The following TUBGCP3 variants were observed in gnomAD, a reference collection of about 807,000 sequenced individuals.
The protein encoded by TUBGCP3 is gamma-tubulin complex component 3.
A neutral mutation model predicts 123.1 loss-of-function variants in TUBGCP3; 50 were observed. That is an observed-to-expected ratio of 0.41 (90% CI 0.32 to 0.51). The LOEUF is 0.51. Ranked by LOEUF, TUBGCP3 falls within the 20% of genes least tolerant of loss-of-function variation. TUBGCP3 has a pLI of 0.36. For synonymous variants in TUBGCP3, 405 were observed against 413.9 expected (o/e 0.98, Z 0.26); for missense variants, 882 against 1,127.0 (o/e 0.78, Z 3.11).
chr13:112,527,519 G>T (rs1877233832), intron 11 of TUBGCP3, 35 bp from the exon 12 acceptor site: 2 of 1,443,236 alleles, frequency 1.4e-6, no homozygotes, highest in South Asian at 1.2e-5. Flanking sequence ...GTTCAAGAGT[G>T]ATATTTATGG....
intron 1 of TUBGCP3, among the ~76,000 whole-genome samples, chr13:112,578,696 GTTTC>G (rs943003292): frequency 2.5e-4 from 38 of 151,190 alleles, no homozygotes; most frequent in African/African-American, 9.0e-4. Context: ...CTCACCACCT[GTTTC>G]TTTGTTTGAT....
intron 14 of TUBGCP3, chr13:112,521,911 G>T: frequency 1.1e-6 from 1 of 904,750 alleles, no homozygotes; most frequent in Non-Finnish European, 1.3e-6. Context: ...AAAATGAAAA[G>T]GTCATAGTTT....
At position 112,511,258 on chromosome 13, in the gene TUBGCP3, G is replaced by A. The variant is rs1881656667; in HGVS notation, c.2086+5182C>T. 6.6e-6 allele frequency among the ~76,000 whole-genome samples: 1 copy of A among 152,176 alleles called. No homozygotes were observed. The highest frequency in any genetic ancestry group is 1.5e-5 in the Non-Finnish European group (1 of 68,032). Reference sequence around the variant, plus strand: ...GATGGGCCCCTCACAGGGCACTGCTGGCCCGCGGGCACCTGCCTTTCCTGG... The same window carrying A: ...GATGGGCCCCTCACAGGGCACTGCTAGCCCGCGGGCACCTGCCTTTCCTGG... On this transcript the variant is annotated intron_variant, in intron 17 of 21. Transcript: ENST00000261965. This position sits in a 1 kb window ranked among gnomAD's most constrained non-coding sequence, Gnocchi z 4.1.
At chr13:112,570,793 A>C (rs1356433830) in intron 1 of TUBGCP3, among the ~76,000 whole-genome samples, 3 of 152,232 alleles carry the variant, frequency 2.0e-5, no homozygotes, top group Non-Finnish European at 4.4e-5. Flanking sequence ...TCGAAACAGA[A>C]GCCAGTCCTC....
In TUBGCP3 at chr13:112,485,693, A is replaced by G; in HGVS notation, c.*300T>C. The stretch of plus-strand genomic sequence containing the variant: ...TTTTAAAGTGACAAATATAAATTAT[A>G]ACATAGAAAGCTTAAGAAGCCTCAG... On this transcript the variant is annotated 3_prime_UTR_variant, in exon 22 of 22. Coordinates refer to ENST00000261965, the MANE Select transcript of TUBGCP3 (RefSeq NM_006322.6). 1 of 325,022 alleles carries G rather than the reference A, an allele frequency of 3.1e-6. No homozygotes were observed. The allele number at this position is 325,022 out of a possible 1,614,324, so 20.1% of individuals were successfully genotyped here.
rs559268896 is a variant in TUBGCP3 at position 112,579,600 on chromosome 13, C to T, written c.76+8305G>A. ...TGGAGCTCTCCCACACTGCTGTGTG[C>T]GGGTGGAGCCATGGCATCCCTGGAG... On this transcript the variant is annotated intron_variant, in intron 1 of 21. Transcript: ENST00000261965. Among the ~76,000 whole-genome samples, 7 of 148,830 alleles carry T rather than the reference C, an allele frequency of 4.7e-5. 1 individual carries two copies. Among genetic ancestry groups the T allele is most frequent in the African/African-American group, 1.0e-4 (4 of 39,748 alleles).
At chr13:112,605,454 C>T in the TUBGCP3 span, 25,814 of 152,104 alleles carry the variant, frequency 0.17, 3,427 homozygotes, top group African/African-American at 0.37. Context: ...AGGCTGTCAG[C>T]CACCTCTTCA....
Position 112,508,432 on chromosome 13 carries a change from G to A in TUBGCP3, c.2087-3718C>T, listed in dbSNP as rs1456940485. Reference sequence around the variant, plus strand: ...CAGATGCCATATGGCAGCCCAGAAGGGGCCTGTTAGTTGAAAAGGTATCGT... The same window carrying A: ...CAGATGCCATATGGCAGCCCAGAAGAGGCCTGTTAGTTGAAAAGGTATCGT... On this transcript the variant is annotated intron_variant, in intron 17 of 21. Coordinates refer to ENST00000261965, the MANE Select transcript of TUBGCP3 (RefSeq NM_006322.6). The surrounding 1 kb of genome is among the most constrained non-coding windows in gnomAD (Gnocchi z 4.2). Among the ~76,000 whole-genome samples, 1 of 152,096 alleles carries A rather than the reference G, an allele frequency of 6.6e-6. No homozygotes were observed. The highest frequency in any genetic ancestry group is 2.4e-5 in the African/African-American group (1 of 41,420).
At chr13:112,528,115 C>CCA (rs1039468450) in intron 11 of TUBGCP3, among the ~76,000 whole-genome samples, 3 of 152,232 alleles carry the variant, frequency 2.0e-5, no homozygotes, top group Admixed American at 2.0e-4. Context: ...CTGACCCTGA[C>CCA]GGGCACCTAC....
chr13:112,517,581 T>C (rs1049081423), intron 16 of TUBGCP3, among the ~76,000 whole-genome samples: 6 of 152,188 alleles, frequency 3.9e-5, no homozygotes, highest in African/African-American at 1.4e-4. Context: ...GCAGGAGATA[T>C]GAAAGTTGCT....
At chr13:112,488,551 C>G (rs1439593398) in intron 21 of TUBGCP3, among the ~76,000 whole-genome samples, 2 of 152,192 alleles carry the variant, frequency 1.3e-5, no homozygotes, top group Non-Finnish European at 2.9e-5. Flanking sequence ...ATGAAGGCTA[C>G]AGAGACGCCT....
intron 21 of TUBGCP3, among the ~76,000 whole-genome samples, chr13:112,489,153 C>G (rs1181437701): frequency 6.7e-6 from 1 of 150,072 alleles, no homozygotes; most frequent in African/African-American, 2.5e-5. Context: ...CAGGGGCCAC[C>G]CCCAGGTCCC....
intron 11 of TUBGCP3, among the ~76,000 whole-genome samples, chr13:112,536,321 G>C (rs989851449): frequency 2.0e-5 from 3 of 152,188 alleles, no homozygotes; most frequent in African/African-American, 4.8e-5. Flanking sequence ...AGTGTGGCTC[G>C]TGTTGGGGGA....
intron 20 of TUBGCP3, among the ~76,000 whole-genome samples, chr13:112,490,160 T>G (rs1879981824): frequency 6.6e-6 from 1 of 152,268 alleles, no homozygotes. Flanking sequence ...TTTTTGGTAC[T>G]GGAGATATAC....
intron 12 of TUBGCP3, 72 bp from the exon 13 acceptor site, chr13:112,527,122 TA>T: frequency 7.6e-7 from 1 of 1,319,180 alleles, no homozygotes; most frequent in Non-Finnish European, 1.1e-6. Context: ...CAAATATTCG[TA>T]AGCTACAAAT....
At chr13:112,521,189 T>G (rs959986191) in intron 14 of TUBGCP3, among the ~76,000 whole-genome samples, 4 of 152,118 alleles carry the variant, frequency 2.6e-5, no homozygotes, top group Non-Finnish European at 4.4e-5. Flanking sequence ...TCATCACCAC[T>G]CATACTTCAA....
At chr13:112,487,053 A>ATGTATGTGTG (rs1879719489) in intron 21 of TUBGCP3, among the ~76,000 whole-genome samples, 2 of 147,412 alleles carry the variant, frequency 1.4e-5, no homozygotes, top group Non-Finnish European at 3.0e-5. Context: ...AACACTGTGT[A>ATGTATGTGTG]TGTGTGTGTG....
At chr13:112,544,230 G>C (rs996794663) in intron 11 of TUBGCP3, among the ~76,000 whole-genome samples, 5 of 152,038 alleles carry the variant, frequency 3.3e-5, no homozygotes, top group Non-Finnish European at 5.9e-5. Context: ...AAGGCGGGCA[G>C]ATCACAAGGT....
rs565851967 is a variant in TUBGCP3 at position 112,572,321 on chromosome 13, T to C, written c.77-3062A>G. Among the ~76,000 whole-genome samples, 3 of 152,328 alleles carry C rather than the reference T, an allele frequency of 2.0e-5. No homozygotes were observed. In the East Asian group the frequency reaches 5.8e-4, roughly 29 times the overall value. ...TACATGTGCAGAACGTGCAGGTTTG[T>C]TACACAGGTACACGTGTGGCAGGTT... On this transcript the variant is annotated intron_variant, in intron 1 of 21. Coordinates refer to ENST00000261965, the MANE Select transcript of TUBGCP3 (RefSeq NM_006322.6).
Sources: gnomAD v4.1 joint callset for allele counts (sites outside exome capture counted in the v4.1 genomes callset) on GRCh38, gnomAD v4.1.1 for gene constraint, Gnocchi (gnomAD v3.1) non-coding constraint, MANE v1.5 for transcripts, NCBI Gene and HGNC (gene_info 2026-07-23, HGNC 2026-07-21) for gene names.